The following STEAP4 variants were observed in gnomAD, a reference collection of about 807,000 sequenced individuals.
The protein encoded by STEAP4 is STEAP4 metalloreductase.
A neutral mutation model predicts 43.6 loss-of-function variants in STEAP4; 36 were observed. That is an observed-to-expected ratio of 0.83 (90% CI 0.63 to 1.09). STEAP4 has a LOEUF of 1.09. STEAP4 is among the 50% of genes least tolerant of loss of function. STEAP4 has a pLI of 0.00. For missense variants in STEAP4, 495 were observed against 546.5 expected (o/e 0.91, Z 0.94); for synonymous variants, 191 against 196.7 (o/e 0.97, Z 0.24).
At chr7:88,287,884 G>A (rs1852762883) in intron 1 of STEAP4, among the ~76,000 whole-genome samples, 1 of 152,148 alleles carries the variant, frequency 6.6e-6, no homozygotes, top group Non-Finnish European at 1.5e-5. Flanking sequence ...GGGTCTTTTT[G>A]GGAAAAGGGA....
At position 88,277,647 on chromosome 7, in the gene STEAP4, G is replaced by A. The variant is rs913463286; in HGVS notation, c.*1751C>T. On this transcript the variant is annotated 3_prime_UTR_variant, in exon 5 of 5. Coordinates refer to ENST00000380079, the MANE Select transcript of STEAP4 (RefSeq NM_024636.4). ...GGCGGAGGCAGGCAGATCACTTGAC[G>A]CCAGCATTTCAAGACCAGCCTGACC... 2.6e-5 allele frequency: 4 copies of A among 152,142 alleles called. No homozygotes were observed. The highest frequency in any genetic ancestry group is 4.4e-5 in the Non-Finnish European group (3 of 68,026). The allele number at this position is 152,142 out of a possible 1,614,324, so 9.4% of individuals were successfully genotyped here. A position where few individuals can be genotyped will look rare whatever the true frequency, so the allele number is the denominator to read the frequency against.
chr7:88,296,350 T>C (rs980647203), intron 1 of STEAP4, among the ~76,000 whole-genome samples: 10 of 152,122 alleles, frequency 6.6e-5, no homozygotes, highest in African/African-American at 1.9e-4. Context: ...ATACAACCAC[T>C]AGTGTAGCAC....
chr7:88,293,460 T>TTGA (rs1175723542), intron 1 of STEAP4, among the ~76,000 whole-genome samples: 13 of 152,190 alleles, frequency 8.5e-5, no homozygotes, highest in African/African-American at 2.4e-4. Flanking sequence ...ATTTTTTAAT[T>TTGA]TGATGATGTC....
rs76018234 is a variant in STEAP4, at chr7:88,276,300, C to T, written c.*3098G>A. The T allele has an allele frequency of 6.6e-5, 10 of 152,336 alleles. No homozygotes were observed. The East Asian group carries it at 1.7e-3, about 26-fold the overall frequency. The allele number at this position is 152,336 out of a possible 1,614,324, so 9.4% of individuals were successfully genotyped here. A position where few individuals can be genotyped will look rare whatever the true frequency, so the allele number is the denominator to read the frequency against. Reference sequence around the variant, plus strand: ...CACTTTCAAACCCATGCACTGCCTTCTCTTTTGCTTATCCCTGAAGGGAAG... The same window carrying T: ...CACTTTCAAACCCATGCACTGCCTTTTCTTTTGCTTATCCCTGAAGGGAAG... On this transcript the variant is annotated 3_prime_UTR_variant, in exon 5 of 5. Coordinates refer to ENST00000380079, the MANE Select transcript of STEAP4 (RefSeq NM_024636.4).
At chr7:88,297,455 G>T (rs1350747880) in intron 1 of STEAP4, among the ~76,000 whole-genome samples, 2 of 152,126 alleles carry the variant, frequency 1.3e-5, no homozygotes, top group East Asian at 3.8e-4. Context: ...CTCCAAGGAG[G>T]TGCCAGTCAA....
At chr7:88,280,846 T>G in intron 4 of STEAP4, 69 bp downstream of exon 4, 1 of 1,417,260 alleles carries the variant, frequency 7.1e-7, no homozygotes, top group Non-Finnish European at 9.4e-7. Context: ...TAATTTGAAT[T>G]TTTAAATATG....
chr7:88,280,801 G>A, intron 4 of STEAP4, 114 bp downstream of exon 4: 3 of 1,084,660 alleles, frequency 2.8e-6, no homozygotes, highest in Non-Finnish European at 3.9e-6. Flanking sequence ...AAATCATTAT[G>A]GATTCTGCCT....
intron 4 of STEAP4, among the ~76,000 whole-genome samples, chr7:88,280,644 T>C (rs2115949215): frequency 6.6e-6 from 1 of 152,326 alleles, no homozygotes; most frequent in East Asian, 1.9e-4. Context: ...ATTTTTTAGA[T>C]GGTGAAATTT....
At chr7:88,290,536 G>A (rs1478131829) in intron 1 of STEAP4, 2 of 152,092 alleles carry the variant, frequency 1.3e-5, no homozygotes, top group African/African-American at 4.8e-5. Flanking sequence ...CGTATCGAGG[G>A]AATTTAGAAG....
At chr7:88,302,724 C>G (rs1853057128) in intron 1 of STEAP4, among the ~76,000 whole-genome samples, 1 of 151,908 alleles carries the variant, frequency 6.6e-6, no homozygotes, top group Non-Finnish European at 1.5e-5. Context: ...GAGGCCAAGA[C>G]AGGCAGATCA....
At chr7:88,288,911 G>T (rs985083802) in intron 1 of STEAP4, among the ~76,000 whole-genome samples, 3 of 152,180 alleles carry the variant, frequency 2.0e-5, no homozygotes, top group African/African-American at 7.2e-5. Flanking sequence ...AAACCAGTTT[G>T]TATGATCTCC....
intron 1 of STEAP4, among the ~76,000 whole-genome samples, chr7:88,287,647 G>A (rs188470862): frequency 1.1e-3 from 174 of 152,300 alleles, no homozygotes; most frequent in African/African-American, 3.8e-3. Context: ...AAGTGGTTAA[G>A]CCAGATTACC....
In STEAP4 at chr7:88,273,587, A is replaced by G. The variant is rs1176346847; in HGVS notation, c.*5811T>C. 3 of 152,124 alleles carry G rather than the reference A, an allele frequency of 2.0e-5. No homozygotes were observed. In the East Asian group the frequency reaches 5.8e-4, roughly 29 times the overall value. The allele number at this position is 152,124 out of a possible 1,614,324, so 9.4% of individuals were successfully genotyped here. A position where few individuals can be genotyped will look rare whatever the true frequency, so the allele number is the denominator to read the frequency against. On this transcript the variant is annotated 3_prime_UTR_variant, in exon 5 of 5. Transcript: ENST00000380079. ...TGAGAAGTGTTATGAAATTTCTTGC[A>G]TGGGTTACTGGATCTCAAAAACAAA...
At chr7:88,305,949 A>C (rs1331741723) in intron 1 of STEAP4, among the ~76,000 whole-genome samples, 3 of 151,912 alleles carry the variant, frequency 2.0e-5, no homozygotes, top group African/African-American at 2.4e-5. Flanking sequence ...GCTCACTGCA[A>C]CCTCCACCTC....
chr7:88,302,951 CAAAA>C (rs35493493), intron 1 of STEAP4, among the ~76,000 whole-genome samples: 2 of 51,486 alleles, frequency 3.9e-5, no homozygotes. Context: ...GAGACTGTCT[CAAAA>C]AAAAAAAAAA....
intron 1 of STEAP4, among the ~76,000 whole-genome samples, chr7:88,301,874 C>A (rs941620687): frequency 6.6e-6 from 1 of 152,212 alleles, no homozygotes; most frequent in Non-Finnish European, 1.5e-5. Context: ...CCGTGTTTGG[C>A]CCCATATCAC....
At position 88,306,805 on chromosome 7, in the gene STEAP4, G is replaced by T. The variant is rs1018082536; in HGVS notation, c.-16C>A. 6.6e-6 allele frequency: 1 copy of T among 152,376 alleles called. No individual in the cohort carries two copies. Among genetic ancestry groups the T allele is most frequent in the African/African-American group, 2.4e-5 (1 of 41,456 alleles). 9.4% of individuals were successfully genotyped at this position (152,376 alleles called of 1,614,324 possible). On this transcript the variant is annotated 5_prime_UTR_variant, in exon 1 of 5. Transcript: ENST00000380079. ...AAAGTGACCCACCTGAGGGAGAGGC[G>T]CTTCCAAGGAGGAAGCGTCCAGCGC...
At chr7:88,303,184 T>TAA (rs112528523) in intron 1 of STEAP4, among the ~76,000 whole-genome samples, 15 of 101,690 alleles carry the variant, frequency 1.5e-4, no homozygotes, top group East Asian at 7.2e-4. Flanking sequence ...TAATCTGCAT[T>TAA]AAAAAAAAAA....
At chr7:88,286,118 C>A (rs10257084) in intron 1 of STEAP4, among the ~76,000 whole-genome samples, 1 of 152,018 alleles carries the variant, frequency 6.6e-6, no homozygotes, top group Non-Finnish European at 1.5e-5. Flanking sequence ...TAAAGAGGAC[C>A]AAATCAAGAC....
Sources: gnomAD v4.1 joint callset for allele counts (sites outside exome capture counted in the v4.1 genomes callset) on GRCh38, gnomAD v4.1.1 for gene constraint, MANE v1.5 for transcripts, NCBI Gene and HGNC (gene_info 2026-07-23, HGNC 2026-07-21) for gene names.